The following BMERB1 variants were observed in gnomAD, a reference collection of about 807,000 sequenced individuals.
BMERB1 encodes bMERB domain containing 1.
BMERB1 carries 12 observed loss-of-function variants against 23.6 expected under a neutral mutation model. The observed-to-expected ratio is 0.51, with a 90% confidence interval of 0.33 to 0.82. BMERB1 has a LOEUF of 0.82. BMERB1 is among the 40% of genes least tolerant of loss of function. BMERB1 has a pLI of 0.03. For synonymous variants in BMERB1, 122 were observed against 96.6 expected (o/e 1.26, Z -1.54); for missense variants, 247 against 255.4 (o/e 0.97, Z 0.22).
intron 2 of BMERB1, among the ~76,000 whole-genome samples, chr16:15,564,911 T>C (rs1033815412): frequency 6.6e-6 from 1 of 152,200 alleles, no homozygotes; most frequent in Non-Finnish European, 1.5e-5. Flanking sequence ...GTAGCCTCAA[T>C]CTTCAGTTTG....
intron 2 of BMERB1, among the ~76,000 whole-genome samples, chr16:15,559,337 C>A (rs769482081): frequency 6.6e-6 from 1 of 152,188 alleles, no homozygotes; most frequent in Admixed American, 6.5e-5. Flanking sequence ...CAAATCAGAG[C>A]TCTGGGAGAA....
chr16:15,524,471 G>C (rs1229833638), intron 2 of BMERB1, among the ~76,000 whole-genome samples: 1 of 152,134 alleles, frequency 6.6e-6, no homozygotes, highest in Non-Finnish European at 1.5e-5. Context: ...TGATTGAATG[G>C]AGAAATACAT....
chr16:15,549,770 C>T lies in BMERB1; in HGVS notation c.231-18213C>T, dbSNP rs757683358. 2.6e-5 allele frequency among the ~76,000 whole-genome samples: 4 copies of T among 151,822 alleles called. No individual in the cohort carries two copies. The South Asian group carries it at 6.2e-4, about 24-fold the overall frequency. ...AGGGGACTTACCTTAGAGCTGCCTTCGCAGTAGGGAGTCCATGGTTTTTAG... is the reference window on the plus strand; with the variant it reads ...AGGGGACTTACCTTAGAGCTGCCTTTGCAGTAGGGAGTCCATGGTTTTTAG... On this transcript the variant is annotated intron_variant, in intron 2 of 5. Transcript: ENST00000300006.
At chr16:15,472,693 C>A (rs779305086) in intron 1 of BMERB1, among the ~76,000 whole-genome samples, 36 of 152,040 alleles carry the variant, frequency 2.4e-4, no homozygotes, top group Non-Finnish European at 4.3e-4. Flanking sequence ...GTTCATTTTG[C>A]CAATCTGTCT....
intron 2 of BMERB1, among the ~76,000 whole-genome samples, chr16:15,527,330 C>G (rs1236928596): frequency 6.6e-6 from 1 of 152,216 alleles, no homozygotes; most frequent in African/African-American, 2.4e-5. Context: ...TCAGGCCAGG[C>G]GCTGTGGCTC....
chr16:15,481,896 TG>T (rs1475367499), intron 1 of BMERB1, among the ~76,000 whole-genome samples: 2 of 151,542 alleles, frequency 1.3e-5, no homozygotes, highest in Non-Finnish European at 1.5e-5. Flanking sequence ...GGCAAATTTT[TG>T]TATTTTTTTT....
intron 5 of BMERB1, among the ~76,000 whole-genome samples, chr16:15,586,096 A>G (rs887308908): frequency 9.2e-5 from 14 of 152,332 alleles, no homozygotes; most frequent in African/African-American, 3.1e-4. Flanking sequence ...TAAAAACTCA[A>G]TGGATTAAAT....
intron 1 of BMERB1, among the ~76,000 whole-genome samples, chr16:15,461,217 T>C (rs996967383): frequency 2.0e-5 from 3 of 151,934 alleles, no homozygotes; most frequent in East Asian, 1.9e-4. Flanking sequence ...AGGGGACATT[T>C]AGACATTTTG....
At chr16:15,538,593 G>A (rs1333224647) in intron 2 of BMERB1, among the ~76,000 whole-genome samples, 2 of 152,192 alleles carry the variant, frequency 1.3e-5, no homozygotes, top group Non-Finnish European at 2.9e-5. Context: ...AGTTATTCCA[G>A]AGGAAAATTC....
intron 5 of BMERB1, chr16:15,584,248 G>A (rs2031085630): frequency 1.9e-6 from 1 of 526,308 alleles, no homozygotes; most frequent in South Asian, 2.5e-5. Flanking sequence ...TATTAGTGAG[G>A]CCTCTTTCAG....
At chr16:15,585,659 G>T (rs993644824) in intron 5 of BMERB1, among the ~76,000 whole-genome samples, 2 of 152,090 alleles carry the variant, frequency 1.3e-5, no homozygotes, top group Non-Finnish European at 2.9e-5. Flanking sequence ...GTGAAACCTT[G>T]TCTCTGCTAA....
chr16:15,477,419 G>A (rs1404025612), intron 1 of BMERB1, among the ~76,000 whole-genome samples: 1 of 152,044 alleles, frequency 6.6e-6, no homozygotes, highest in Non-Finnish European at 1.5e-5. Flanking sequence ...TTTGGGTGGG[G>A]ACACAGAGCC....
chr16:15,473,981 G>A (rs148027931), intron 1 of BMERB1, among the ~76,000 whole-genome samples: 6 of 151,974 alleles, frequency 3.9e-5, no homozygotes, highest in Non-Finnish European at 5.9e-5. Flanking sequence ...TTAGCCGGGC[G>A]TGGTGGCAGG....
At chr16:15,537,574 G>A (rs1454420343) in intron 2 of BMERB1, among the ~76,000 whole-genome samples, 1 of 151,450 alleles carries the variant, frequency 6.6e-6, no homozygotes. Context: ...GGCTGGTCTC[G>A]AACTCCTGTC....
intron 2 of BMERB1, among the ~76,000 whole-genome samples, chr16:15,526,802 A>G (rs937929694): frequency 2.0e-5 from 3 of 150,890 alleles, no homozygotes; most frequent in African/African-American, 4.8e-5. Flanking sequence ...ATATGAGGGA[A>G]TGGGGCACAC....
intron 2 of BMERB1, among the ~76,000 whole-genome samples, chr16:15,553,204 C>T (rs752117828): frequency 9.2e-5 from 14 of 152,188 alleles, no homozygotes; most frequent in Non-Finnish European, 1.9e-4. Flanking sequence ...GATGGAGTTT[C>T]GCCATGTTGG....
intron 1 of BMERB1, among the ~76,000 whole-genome samples, chr16:15,439,885 G>T (rs1289586705): frequency 2.0e-5 from 3 of 152,118 alleles, no homozygotes; most frequent in African/African-American, 7.2e-5. Context: ...CTTAAAGGAT[G>T]ATCAAGATTT....
At chr16:15,472,580 A>T (rs2051238555) in intron 1 of BMERB1, among the ~76,000 whole-genome samples, 1 of 152,116 alleles carries the variant, frequency 6.6e-6, no homozygotes, top group Non-Finnish European at 1.5e-5. Flanking sequence ...CTTTTGATTA[A>T]CATTTGTGTA....
intron 1 of BMERB1, among the ~76,000 whole-genome samples, chr16:15,493,189 C>G (rs1241266585): frequency 6.6e-6 from 1 of 151,940 alleles, no homozygotes; most frequent in Admixed American, 6.6e-5. Flanking sequence ...CCCGTCTCCA[C>G]TAAAAATACA....
Sources: gnomAD v4.1 joint callset for allele counts (sites outside exome capture counted in the v4.1 genomes callset) on GRCh38, gnomAD v4.1.1 for gene constraint, MANE v1.5 for transcripts, NCBI Gene and HGNC (gene_info 2026-07-23, HGNC 2026-07-21) for gene names.